ANKRD11: variants seen among roughly 807,000 people sequenced by gnomAD.
ANKRD11 encodes the protein ankyrin repeat domain-containing protein 11.
ANKRD11 carries 17 observed loss-of-function variants against 195.7 expected under a neutral mutation model. The observed-to-expected ratio is 0.09, with a 90% CI of 0.06 to 0.13. The LOEUF (loss-of-function observed/expected upper bound fraction) is 0.13. ANKRD11 is among the 10% of genes least tolerant of loss of function. The pLI is 1.00. For synonymous variants in ANKRD11, 1,953 were observed against 1,528.1 expected (o/e 1.28, Z -6.49); for missense variants, 3,735 against 3,566.1 (o/e 1.05, Z -1.21).
intron 9 of ANKRD11, chr16:89,278,630 G>C (rs1453198415): frequency 8.7e-6 from 4 of 460,782 alleles, no homozygotes; most frequent in Admixed American, 7.0e-5. Flanking sequence ...GGTGGGGGAA[G>C]GGACTCATCG....
chr16:89,286,238 C>T lies in ANKRD11; in HGVS notation c.745-52G>A, dbSNP rs770642335. 2.2e-5 allele frequency: 36 copies of T among 1,603,506 alleles called. No individual in the cohort carries two copies. In the South Asian group the frequency reaches 3.3e-4, roughly 15 times the overall value. On this transcript the variant is annotated intron_variant, in intron 7 of 12. Transcript: ENST00000301030. ...GGACTGCTGGAGAAGCACAACTCCT[C>T]TACCGTTCCGCATAACACGGCAGCC...
At chr16:89,337,884 C>T (rs2038454452) in intron 2 of ANKRD11, among the ~76,000 whole-genome samples, 1 of 152,224 alleles carries the variant, frequency 6.6e-6, no homozygotes, top group Admixed American at 6.5e-5. Flanking sequence ...CTTCAGTCTA[C>T]TGTGTGTGGA....
intron 2 of ANKRD11, among the ~76,000 whole-genome samples, chr16:89,346,845 A>G (rs1346731365): frequency 6.6e-6 from 1 of 152,260 alleles, no homozygotes; most frequent in Admixed American, 6.5e-5. Flanking sequence ...AGAAATGTAC[A>G]AACATAAACG....
At chr16:89,368,330 G>C (rs1396719554) in intron 2 of ANKRD11, among the ~76,000 whole-genome samples, 1 of 148,492 alleles carries the variant, frequency 6.7e-6, no homozygotes, top group Non-Finnish European at 1.5e-5. Context: ...CTGAATAGCT[G>C]GGATTACAGG....
chr16:89,472,472 C>T (rs868099817), intron 1 of ANKRD11, among the ~76,000 whole-genome samples: 14 of 152,176 alleles, frequency 9.2e-5, no homozygotes, highest in Admixed American at 7.2e-4. Flanking sequence ...GGAAAAGCTC[C>T]GGCGGCAGAG....
intron 2 of ANKRD11, among the ~76,000 whole-genome samples, chr16:89,377,394 T>C (rs2040468188): frequency 1.3e-5 from 2 of 151,756 alleles, no homozygotes; most frequent in African/African-American, 4.8e-5. Context: ...GAGAAAACTA[T>C]GTCTGGAGGT....
rs148597293 is a variant in ANKRD11, at chr16:89,473,915, C to T, written c.-145+16330G>A. On this transcript the variant is annotated intron_variant, in intron 1 of 12. Transcript: ENST00000301030. ...GTTGCATTAGGTGGCAAAGTTGCTG[C>T]GCTGTCACTCCCATGACTACATTAT... Among the ~76,000 whole-genome samples the T allele has an allele frequency of 4.9e-3, 746 of 152,284 alleles. 10 individuals carry two copies. The highest frequency in any genetic ancestry group is 0.015 in the African/African-American group (626 of 41,544).
chr16:89,288,398 G>T, intron 7 of ANKRD11, 130 bp downstream of exon 7: 1 of 1,422,884 alleles, frequency 7.0e-7, no homozygotes, highest in Non-Finnish European at 9.7e-7. Context: ...CGGCCTTGAG[G>T]GTGGGCAAGG....
intron 1 of ANKRD11, among the ~76,000 whole-genome samples, chr16:89,481,805 T>C (rs1253536268): frequency 6.6e-6 from 1 of 152,138 alleles, no homozygotes; most frequent in African/African-American, 2.4e-5. Context: ...TCACGTTACA[T>C]GCGGCCTTCC....
chr16:89,313,272 G>T, intron 3 of ANKRD11: 1 of 1,273,964 alleles, frequency 7.8e-7, no homozygotes, highest in Non-Finnish European at 1.0e-6. Context: ...GACGACAGGG[G>T]ACCCATGGGG....
intron 9 of ANKRD11, among the ~76,000 whole-genome samples, chr16:89,276,382 C>T (rs1374501467): frequency 1.3e-5 from 2 of 152,156 alleles, no homozygotes; most frequent in African/African-American, 2.4e-5. Context: ...CACGCAGTCT[C>T]CACGTCTCTT....
rs866304973 is a variant in ANKRD11, at chr16:89,329,340, A to G, written c.-59-12262T>C. Among the ~76,000 whole-genome samples, 7 of 152,338 alleles carry G rather than the reference A, an allele frequency of 4.6e-5. No individual in the cohort carries two copies. In the East Asian group the frequency reaches 7.7e-4, roughly 17 times the overall value. On this transcript the variant is annotated intron_variant, in intron 2 of 12. Coordinates refer to ENST00000301030, the MANE Select transcript of ANKRD11 (RefSeq NM_013275.6). ...ACTGGGCGAAGGTGGGGAAGGGCACAAGGGATGCTGCTATTTTTGCAACTT... is the reference window on the plus strand; with the variant it reads ...ACTGGGCGAAGGTGGGGAAGGGCACGAGGGATGCTGCTATTTTTGCAACTT...
At chr16:89,466,729 T>C (rs555990224) in intron 1 of ANKRD11, among the ~76,000 whole-genome samples, 1 of 152,386 alleles carries the variant, frequency 6.6e-6, no homozygotes, top group South Asian at 2.1e-4. Context: ...GCTGTTGAAC[T>C]GTATTCCACA....
chr16:89,304,647 CAG>C (rs1209911382), intron 4 of ANKRD11, among the ~76,000 whole-genome samples: 4 of 151,908 alleles, frequency 2.6e-5, no homozygotes, highest in East Asian at 1.9e-4. Context: ...GGCATGCACA[CAG>C]ATACACGGGC....
intron 2 of ANKRD11, among the ~76,000 whole-genome samples, chr16:89,366,835 GAC>G (rs1198045804): frequency 4.6e-5 from 7 of 152,210 alleles, no homozygotes; most frequent in Non-Finnish European, 1.0e-4. Flanking sequence ...GGGTCCAGAT[GAC>G]ACACACTTTG....
At position 89,281,956 on chromosome 16, in the gene ANKRD11, T is replaced by A. The variant is rs767469793; in HGVS notation, c.4586A>T (p.Lys1529Ile). The A allele has an allele frequency of 6.2e-7, 1 of 1,612,908 alleles. No homozygotes were observed. Residue 1529 changes from lysine (K) to isoleucine (I), a missense_variant, in exon 9 of 13, where the codon AAA becomes ATA. Physicochemically the swap from Lys to Ile is moderately radical, Grantham distance 102. Coordinates refer to ENST00000301030, the MANE Select transcript of ANKRD11 (RefSeq NM_013275.6). This position sits in a 1 kb window ranked among gnomAD's most constrained non-coding sequence, Gnocchi z 5.5. Reference sequence around the variant, plus strand: ...ACCGTCCTTGAATTTCTCCTTCAGTTTGGCATCGCCGAGCCTCGGGCCCTC... The same window carrying A: ...ACCGTCCTTGAATTTCTCCTTCAGTATGGCATCGCCGAGCCTCGGGCCCTC... ...RDEGPRLGDA[K>I]LKEKFKDGAE...
intron 1 of ANKRD11, among the ~76,000 whole-genome samples, chr16:89,422,703 G>T (rs1207312524): frequency 6.6e-6 from 1 of 152,138 alleles, no homozygotes; most frequent in Admixed American, 6.6e-5. Context: ...CAGCCTCCCT[G>T]GGAAGGAAGC....
At chr16:89,330,033 A>G (rs1490916692) in intron 2 of ANKRD11, among the ~76,000 whole-genome samples, 1 of 152,160 alleles carries the variant, frequency 6.6e-6, no homozygotes. Context: ...AATAAAATGT[A>G]AAAACATAAA....
chr16:89,384,193 C>T (rs2040789681), intron 2 of ANKRD11, among the ~76,000 whole-genome samples: 1 of 152,196 alleles, frequency 6.6e-6, no homozygotes, highest in South Asian at 2.1e-4. Context: ...GCACTCCAGC[C>T]TGGGTGACAG....
Sources: allele counts gnomAD v4.1 joint callset (sites outside exome capture counted in the v4.1 genomes callset), GRCh38; gene constraint gnomAD v4.1.1; non-coding constraint Gnocchi (gnomAD v3.1); transcripts MANE v1.5; gene names NCBI Gene and HGNC (gene_info 2026-07-23, HGNC 2026-07-21).